Variants in DLGAP2 observed in about 807,000 individuals in gnomAD.
The protein encoded by DLGAP2 is DLG associated protein 2.
In DLGAP2, 26 loss-of-function variants were observed where a neutral mutation model predicts 100.3. The ratio of observed to expected loss-of-function variants is 0.26; its 90% CI spans 0.19 to 0.36. The LOEUF (loss-of-function observed/expected upper bound fraction) is 0.36, where lower values mean the gene tolerates loss of function less well. Ranked by LOEUF, DLGAP2 falls within the 10% of genes least tolerant of loss-of-function variation. The pLI is 1.00. For missense variants in DLGAP2, 1,858 were observed against 1,453.2 expected, an observed-to-expected ratio of 1.28 and a Z score of -4.53; for synonymous variants, 886 against 630.1, an observed-to-expected ratio of 1.41 and a Z score of -6.08.
At chr8:1,445,659 T>G (rs368372979) in intron 3 of DLGAP2, among the ~76,000 whole-genome samples, 11 of 152,142 alleles carry the variant, frequency 7.2e-5, no homozygotes, top group South Asian at 2.1e-4. Flanking sequence ...CCTGAGGAAT[T>G]GCCACACTGA....
At chr8:1,302,303 T>G (rs1274132682) in intron 3 of DLGAP2, 1 of 129,278 alleles carries the variant, frequency 7.7e-6, no homozygotes, top group Non-Finnish European at 1.6e-5. Flanking sequence ...GGACTCGGAA[T>G]TTTCTGTGAG....
intron 3 of DLGAP2, among the ~76,000 whole-genome samples, chr8:1,310,058 C>CAAA (rs3052029): frequency 7.6e-5 from 8 of 105,678 alleles, no homozygotes; most frequent in African/African-American, 2.5e-4. Flanking sequence ...GTCTCCATCT[C>CAAA]AAAAAAAAAA....
At chr8:1,676,483 C>G (rs1254288848) in intron 10 of DLGAP2, 50 bp from the exon 11 acceptor site, 1 of 1,562,316 alleles carries the variant, frequency 6.4e-7, no homozygotes, top group Non-Finnish European at 8.7e-7. Flanking sequence ...TAGTCCCTTG[C>G]CCAGGCCCCA....
At chr8:948,294 C>T (rs1799383095) in intron 2 of DLGAP2, among the ~76,000 whole-genome samples, 1 of 152,232 alleles carries the variant, frequency 6.6e-6, no homozygotes, top group South Asian at 2.1e-4. Context: ...TGCCACTGGC[C>T]TCGACCCTGG....
At chr8:921,753 G>T (rs1331357175) in intron 2 of DLGAP2, among the ~76,000 whole-genome samples, 1 of 152,212 alleles carries the variant, frequency 6.6e-6, no homozygotes, top group Non-Finnish European at 1.5e-5. Context: ...CAGTCCTGTC[G>T]GGCCGCCTCC....
chr8:1,657,423 A>T (rs1302543434), intron 8 of DLGAP2, among the ~76,000 whole-genome samples: 7 of 152,262 alleles, frequency 4.6e-5, no homozygotes, highest in Non-Finnish European at 1.0e-4. Context: ...GAAGACGATT[A>T]TTATCACCCA....
intron 1 of DLGAP2, among the ~76,000 whole-genome samples, chr8:880,481 T>C (rs950183181): frequency 6.6e-6 from 1 of 151,990 alleles, no homozygotes; most frequent in Admixed American, 6.5e-5. Context: ...ATGGCATCCG[T>C]GCTGGGGAGA....
rs1427545096 is a variant in DLGAP2 at position 1,185,406 on chromosome 8, C to CTAAGG, written c.74-73444_74-73440dup. 2.0e-5 allele frequency among the ~76,000 whole-genome samples: 3 copies of CTAAGG among 152,030 alleles called. 1 individual carries two copies. Among genetic ancestry groups the CTAAGG allele is most frequent in the Admixed American group, 2.0e-4 (3 of 15,270 alleles). On this transcript the variant is annotated intron_variant, in intron 2 of 14. Coordinates refer to ENST00000637795, the MANE Select transcript of DLGAP2 (RefSeq NM_001346810.2). The stretch of plus-strand genomic sequence containing the variant: ...GCCATCTGCAGGTACAAGGTGACCC[C>CTAAGG]TAAGGCCGGTCAGCTTTGCCTCTGG...
chr8:1,197,790 G>A (rs1038789543), intron 2 of DLGAP2, among the ~76,000 whole-genome samples: 3 of 152,208 alleles, frequency 2.0e-5, no homozygotes, highest in East Asian at 1.9e-4. Flanking sequence ...CACATGAACC[G>A]CACTACCTTT....
At chr8:1,586,767 G>C (rs113370057) in intron 6 of DLGAP2, among the ~76,000 whole-genome samples, 2 of 152,200 alleles carry the variant, frequency 1.3e-5, no homozygotes, top group Non-Finnish European at 2.9e-5. Context: ...CTGCCTCTAT[G>C]TTTTTATTAC....
intron 8 of DLGAP2, among the ~76,000 whole-genome samples, chr8:1,639,824 C>T (rs924940075): frequency 6.6e-6 from 1 of 152,234 alleles, no homozygotes; most frequent in Non-Finnish European, 1.5e-5. Context: ...GCCTGGGCCT[C>T]CATTGTCCAA....
intron 2 of DLGAP2, among the ~76,000 whole-genome samples, chr8:1,007,577 T>C (rs1801155237): frequency 6.7e-6 from 1 of 148,668 alleles, no homozygotes; most frequent in Non-Finnish European, 1.5e-5. Context: ...ATGCTCCCTT[T>C]AAGGCTGAAG....
At chr8:866,382 C>T (rs1196643467) in intron 1 of DLGAP2, among the ~76,000 whole-genome samples, 3 of 152,222 alleles carry the variant, frequency 2.0e-5, no homozygotes, top group Non-Finnish European at 2.9e-5. Flanking sequence ...GGTGACCAGA[C>T]CAGGAGAGCC....
intron 3 of DLGAP2, among the ~76,000 whole-genome samples, chr8:1,274,064 C>T (rs946494078): frequency 2.6e-5 from 4 of 152,120 alleles, no homozygotes; most frequent in Non-Finnish European, 1.5e-5. Context: ...AGAATTCTAA[C>T]AGCGTGACGG....
intron 4 of DLGAP2, among the ~76,000 whole-genome samples, chr8:1,515,182 T>A (rs1411465312): frequency 1.3e-5 from 2 of 152,116 alleles, no homozygotes; most frequent in African/African-American, 4.8e-5. Flanking sequence ...CACGGAGAGT[T>A]GTTGCATTGA....
At chr8:943,288 G>A (rs1003068846) in intron 2 of DLGAP2, among the ~76,000 whole-genome samples, 58 of 146,332 alleles carry the variant, frequency 4.0e-4, no homozygotes, top group Middle Eastern at 3.4e-3. Flanking sequence ...TCTGCACAGC[G>A]TGTCATCAGT....
At chr8:1,698,401 C>A (rs530466419) in intron 14 of DLGAP2, among the ~76,000 whole-genome samples, 1 of 148,404 alleles carries the variant, frequency 6.7e-6, no homozygotes, top group African/African-American at 2.5e-5. Flanking sequence ...ATGCGTGGGA[C>A]TAGGCAGGTC....
chr8:1,280,039 C>G (rs1185285931), intron 3 of DLGAP2, among the ~76,000 whole-genome samples: 2 of 152,330 alleles, frequency 1.3e-5, no homozygotes, highest in South Asian at 2.1e-4. Context: ...AATTCAGTAA[C>G]TTGCTGACAT....
chr8:1,487,853 G>A (rs942700922), intron 3 of DLGAP2, among the ~76,000 whole-genome samples: 4 of 152,154 alleles, frequency 2.6e-5, no homozygotes, highest in Non-Finnish European at 5.9e-5. Flanking sequence ...GGTACGTGGT[G>A]GCCCCTTTAC....
Sources: allele counts gnomAD v4.1 joint callset (sites outside exome capture counted in the v4.1 genomes callset), GRCh38; gene constraint gnomAD v4.1.1; transcripts MANE v1.5; gene names NCBI Gene and HGNC (gene_info 2026-07-23, HGNC 2026-07-21).